Variants in RUVBL2 observed in about 807,000 individuals in gnomAD.
The protein encoded by RUVBL2 is RuvB like AAA ATPase 2.
In RUVBL2, 9 loss-of-function variants were observed where a neutral mutation model predicts 57.9. The observed-to-expected ratio is 0.16, with a 90% CI of 0.09 to 0.27. The LOEUF is 0.27. Among genes scored for constraint, RUVBL2 ranks in the 10% least tolerant of loss-of-function variants. The pLI is 1.00. For synonymous variants in RUVBL2, 278 were observed against 264.6 expected, an observed-to-expected ratio of 1.05 and a Z score of -0.49; for missense variants, 456 against 669.6, an observed-to-expected ratio of 0.68 and a Z score of 3.52.
intron 1 of RUVBL2, among the ~76,000 whole-genome samples, chr19:48,995,662 A>C (rs563597836): frequency 6.6e-6 from 1 of 151,812 alleles, no homozygotes; most frequent in South Asian, 2.1e-4. Context: ...TAGCCCTGGC[A>C]ACATAGCGAA....
chr19:49,010,143 A>C, intron 8 of RUVBL2, 77 bp downstream of exon 8: 4 of 1,311,210 alleles, frequency 3.1e-6, no homozygotes, highest in South Asian at 1.2e-5. Context: ...CCCTTGACCC[A>C]TGGGGTCTGG....
chr19:48,994,057 G>A (rs2039002054), intron 1 of RUVBL2, 134 bp downstream of exon 1: 1 of 944,582 alleles, frequency 1.1e-6, no homozygotes, highest in Non-Finnish European at 1.6e-6. Flanking sequence ...TCTGAAAGAG[G>A]AGGAAGCTCG....
Position 49,009,783 on chromosome 19 carries a change from A to G in RUVBL2, c.470A>G (p.Lys157Arg), listed in dbSNP as rs753502576. ...IDRPATGTGS[K>R]VGKLTLKTTE... ...GCTTGTCCCCACTCTCAGGGCTCCA[A>G]GGTGGGCAAACTGACCCTCAAGACC... is the stretch of plus-strand genomic sequence containing the variant. Residue 157 changes from lysine to arginine, a missense_variant, in exon 7 of 15, where the codon AAG (lysine) becomes AGG (arginine). Physicochemically the swap from Lys to Arg is conservative, Grantham distance 26. Coordinates refer to ENST00000595090, the MANE Select transcript of RUVBL2 (RefSeq NM_006666.3). The G allele has an allele frequency of 1.2e-5, 20 of 1,613,812 alleles. No individual in the cohort carries two copies. Among genetic ancestry groups the G allele is most frequent in the Non-Finnish European group, 1.5e-5 (18 of 1,179,900 alleles).
intron 6 of RUVBL2, among the ~76,000 whole-genome samples, chr19:49,007,908 C>T (rs2039314011): frequency 6.6e-6 from 1 of 151,654 alleles, no homozygotes; most frequent in African/African-American, 2.4e-5. Flanking sequence ...GGGGTTTCAC[C>T]ATGTTGGCCA....
At chr19:49,013,869 G>A (rs1224861601) in intron 11 of RUVBL2, among the ~76,000 whole-genome samples, 5 of 152,226 alleles carry the variant, frequency 3.3e-5, no homozygotes, top group African/African-American at 7.2e-5. Flanking sequence ...AGCCGAGATC[G>A]CGCCACTGCA....
rs75580952 is a variant in RUVBL2 at position 49,011,432 on chromosome 19, G to C, written c.1001+122G>C. 1 of 744,566 alleles carries C rather than the reference G, an allele frequency of 1.3e-6. No individual in the cohort carries two copies. Among genetic ancestry groups the C allele is most frequent in the Non-Finnish European group, 2.3e-6 (1 of 443,386 alleles). 46.1% of individuals were successfully genotyped at this position (744,566 alleles called of 1,614,324 possible). Reference sequence around the variant, plus strand: ...GGAGGGACGCGTGACTGCAGTGTGCGCTCTTTGCTTACAAAAGGCGGGTGG... The same window carrying C: ...GGAGGGACGCGTGACTGCAGTGTGCCCTCTTTGCTTACAAAAGGCGGGTGG... On this transcript the variant is annotated intron_variant, in intron 11 of 14. Transcript: ENST00000595090. This position sits in a 1 kb window ranked among gnomAD's most constrained non-coding sequence, Gnocchi z 4.4.
Position 49,010,483 on chromosome 19 carries a change from C to CCAACAAAAAAAA in RUVBL2, c.664-5_664-4insCAACAAAAAAAA. The stretch of plus-strand genomic sequence containing the variant: ...CGCCGTTCTTCCCCCACCCCCGCCC[C>CCAACAAAAAAAA]ATAGACCAAGTTCGTGCAGTGCCCA... On this transcript the variant is annotated splice_polypyrimidine_tract_variant and splice_region_variant and intron_variant, in intron 8 of 14. Transcript: ENST00000595090. 6.3e-7 allele frequency: 1 copy of CCAACAAAAAAAA among 1,575,996 alleles called. No homozygotes were observed. Among genetic ancestry groups the CCAACAAAAAAAA allele is most frequent in the Non-Finnish European group, 8.7e-7 (1 of 1,148,122 alleles).
rs1249465339 is a variant in RUVBL2, at chr19:49,010,264, C to T, written c.663+198C>T. The T allele has an allele frequency of 2.6e-5, 18 of 692,890 alleles. No individual in the cohort carries two copies. In the East Asian group the frequency reaches 2.7e-4, roughly 10 times the overall value. 42.9% of individuals were successfully genotyped at this position (692,890 alleles called of 1,614,324 possible). A position where few individuals can be genotyped will look rare whatever the true frequency, so the allele number is the denominator to read the frequency against. ...TATAGCTTCGCATGGCCACATGTGGCCTGTGGCTTCTAAGGTCCTCCGGGA... is the reference window on the plus strand; with the variant it reads ...TATAGCTTCGCATGGCCACATGTGGTCTGTGGCTTCTAAGGTCCTCCGGGA... On this transcript the variant is annotated intron_variant, in intron 8 of 14. Transcript: ENST00000595090.
chr19:49,004,248 A>G (rs1295583306), intron 3 of RUVBL2, 29 bp from the exon 4 acceptor site: 3 of 1,607,494 alleles, frequency 1.9e-6, no homozygotes, highest in Non-Finnish European at 2.5e-6. Flanking sequence ...CCCACAGGAA[A>G]TCACCTCATG....
intron 2 of RUVBL2, chr19:49,001,488 A>G (rs2122594936): frequency 6.6e-6 from 1 of 151,498 alleles, no homozygotes; most frequent in Admixed American, 6.6e-5. Flanking sequence ...TTAAAAAAAA[A>G]AAAAAAGGAT....
intron 8 of RUVBL2, 21 bp from the exon 9 acceptor site, chr19:49,010,467 T>TGGGGGGG: frequency 4.3e-6 from 6 of 1,401,186 alleles, no homozygotes; most frequent in Non-Finnish European, 6.0e-6. Flanking sequence ...CCGCCGTTCT[T>TGGGGGGG]CCCCCACCCC....
intron 13 of RUVBL2, 52 bp from the exon 14 acceptor site, chr19:49,015,520 C>T (rs1218755924): frequency 3.7e-6 from 5 of 1,360,966 alleles, no homozygotes; most frequent in Non-Finnish European, 5.3e-6. Context: ...GGGGTCTGTG[C>T]CTTGAGCCTC....
At chr19:49,013,934 A>G (rs2039487298) in intron 11 of RUVBL2, among the ~76,000 whole-genome samples, 1 of 152,254 alleles carries the variant, frequency 6.6e-6, no homozygotes, top group Non-Finnish European at 1.5e-5. Flanking sequence ...CAAAAAGACC[A>G]GAAACACACA....
Position 49,014,596 on chromosome 19 carries a change from C to T in RUVBL2, c.1114C>T (p.Arg372Cys), listed in dbSNP as rs766414751. Residue 372 changes from arginine (R) to cysteine (C), a missense_variant, in exon 12 of 15, where the codon CGC (arginine) becomes TGC (cysteine). This residue lies in a region of RUVBL2 where 130 missense variants were observed against 243.0 expected (regional missense o/e 0.53). Coordinates refer to ENST00000595090, the MANE Select transcript of RUVBL2 (RefSeq NM_006666.3). ...YSEKDTKQIL[R>C]IRCEEEDVEM... The stretch of plus-strand genomic sequence containing the variant: ...CGAGAAAGACACGAAGCAGATCCTC[C>T]GCATCCGGTGCGGGCAGGACCAGGC... 2.3e-5 allele frequency: 37 copies of T among 1,613,904 alleles called. No individual in the cohort carries two copies. Among genetic ancestry groups the T allele is most frequent in the Admixed American group, 1.2e-4 (7 of 60,010 alleles).
chr19:48,994,171 T>C (rs930056284), intron 1 of RUVBL2: 12 of 573,928 alleles, frequency 2.1e-5, no homozygotes, highest in Non-Finnish European at 3.4e-5. Flanking sequence ...CCCATCATGC[T>C]ATAGGAACTC....
chr19:48,994,204 G>T (rs997307591), intron 1 of RUVBL2: 17 of 535,794 alleles, frequency 3.2e-5, no homozygotes, highest in Admixed American at 6.3e-5. Context: ...TCATCTTGGC[G>T]CAACGGCCGG....
At chr19:49,007,727 C>T (rs1206610504) in intron 6 of RUVBL2, among the ~76,000 whole-genome samples, 2 of 151,832 alleles carry the variant, frequency 1.3e-5, no homozygotes, top group Non-Finnish European at 2.9e-5. Context: ...GTTTTCGAGA[C>T]AGAGTCTCCC....
intron 2 of RUVBL2, 119 bp downstream of exon 2, chr19:48,999,492 C>A (rs1017379368): frequency 1.1e-5 from 11 of 991,550 alleles, no homozygotes; most frequent in East Asian, 2.5e-5. Flanking sequence ...AACTGTGCCC[C>A]CACTACCATT....
chr19:49,006,676 T>A (rs1363561335), intron 4 of RUVBL2, among the ~76,000 whole-genome samples: 1 of 152,210 alleles, frequency 6.6e-6, no homozygotes, highest in Non-Finnish European at 1.5e-5. Context: ...TCGTCCCTGG[T>A]CCCCTTCGTC....
Sources: allele counts gnomAD v4.1 joint callset (sites outside exome capture counted in the v4.1 genomes callset), GRCh38; gene constraint gnomAD v4.1.1; regional missense constraint gnomAD v4.1.1; non-coding constraint Gnocchi (gnomAD v3.1); transcripts MANE v1.5; gene names NCBI Gene and HGNC (gene_info 2026-07-23, HGNC 2026-07-21).